NRF1: variants seen among roughly 807,000 people sequenced by gnomAD.
NRF1 encodes the protein alpha palindromic-binding protein.
Under a neutral mutation model 58.5 loss-of-function variants are expected in NRF1, and 5 were observed. The observed-to-expected ratio is 0.09, with a 90% confidence interval of 0.04 to 0.18. NRF1 has a LOEUF of 0.18. Ranked by LOEUF, NRF1 falls within the 10% of genes least tolerant of loss-of-function variation. The pLI is 1.00. For missense variants in NRF1, 288 were observed against 657.7 expected, an observed-to-expected ratio of 0.44 and a Z score of 6.15; for synonymous variants, 224 against 246.7, an observed-to-expected ratio of 0.91 and a Z score of 0.86.
At chr7:129,702,863 G>A (rs551026537) in intron 5 of NRF1, among the ~76,000 whole-genome samples, 166 of 152,238 alleles carry the variant, frequency 1.1e-3, no homozygotes, top group African/African-American at 3.8e-3. Flanking sequence ...CTTGGTAATT[G>A]AGCCTAAATG....
intron 1 of NRF1, among the ~76,000 whole-genome samples, chr7:129,619,447 CATATAT>C (rs1394967535): frequency 1.2e-5 from 1 of 80,420 alleles, no homozygotes; most frequent in Non-Finnish European, 2.2e-5. Context: ...CACACACACA[CATATAT>C]ATACACGTGT....
chr7:129,685,085 T>G (rs1388170608), intron 4 of NRF1, among the ~76,000 whole-genome samples: 2 of 152,206 alleles, frequency 1.3e-5, no homozygotes, highest in Middle Eastern at 6.3e-3. Flanking sequence ...TGATAATGTG[T>G]TTTTAGTCTC....
intron 5 of NRF1, among the ~76,000 whole-genome samples, chr7:129,707,948 TC>T (rs1255726969): frequency 6.6e-6 from 1 of 152,214 alleles, no homozygotes; most frequent in African/African-American, 2.4e-5. Flanking sequence ...TTTATAGAAA[TC>T]TTTAATATTA....
At chr7:129,703,856 G>C (rs527279573) in intron 5 of NRF1, among the ~76,000 whole-genome samples, 1 of 152,170 alleles carries the variant, frequency 6.6e-6, no homozygotes, top group African/African-American at 2.4e-5. Flanking sequence ...CCTTCTTTTT[G>C]TACTGTTTCT....
intron 1 of NRF1, among the ~76,000 whole-genome samples, chr7:129,650,535 T>C (rs1801510851): frequency 6.6e-6 from 1 of 152,154 alleles, no homozygotes; most frequent in Non-Finnish European, 1.5e-5. Context: ...GATTTAGAAA[T>C]GAAGAAATTG....
At chr7:129,693,918 T>G (rs917955512) in intron 5 of NRF1, among the ~76,000 whole-genome samples, 1 of 152,222 alleles carries the variant, frequency 6.6e-6, no homozygotes, top group African/African-American at 2.4e-5. Context: ...TCTGAGGTTT[T>G]GATTATATTA....
rs1803587433 is a variant in NRF1 at position 129,731,870 on chromosome 7, C to A, written c.1348+4505C>A. 2.0e-5 allele frequency among the ~76,000 whole-genome samples: 3 copies of A among 152,208 alleles called. No homozygotes were observed. In the South Asian group the frequency reaches 6.2e-4, roughly 31 times the overall value. ...CAAAATGATCCTCCCGCCTTAGTCT[C>A]CCAAAGTGTTAGGATTATAGGCATG... On this transcript the variant is annotated intron_variant, in intron 10 of 10. Transcript: ENST00000393232.
chr7:129,733,739 G>A (rs1198793995), intron 10 of NRF1, among the ~76,000 whole-genome samples: 1 of 152,006 alleles, frequency 6.6e-6, no homozygotes, highest in African/African-American at 2.4e-5. Context: ...AGATGTTAGT[G>A]GAGGCCCGAC....
At chr7:129,644,655 T>C (rs1347598236) in intron 1 of NRF1, among the ~76,000 whole-genome samples, 1 of 152,212 alleles carries the variant, frequency 6.6e-6, no homozygotes, top group Admixed American at 6.5e-5. Context: ...ATTTCCATCA[T>C]TGCAGAAAGT....
chr7:129,651,419 CAAAA>C (rs11319951), intron 1 of NRF1, among the ~76,000 whole-genome samples: 1 of 133,828 alleles, frequency 7.5e-6, no homozygotes, highest in Non-Finnish European at 1.6e-5. Context: ...GACTCTGTCT[CAAAA>C]AAAAAAAAAA....
intron 1 of NRF1, among the ~76,000 whole-genome samples, chr7:129,615,397 A>C (rs1408847679): frequency 7.3e-6 from 1 of 137,216 alleles, no homozygotes; most frequent in Non-Finnish European, 1.6e-5. Flanking sequence ...GAAATGGGAT[A>C]TCTGAATTTA....
intron 4 of NRF1, among the ~76,000 whole-genome samples, chr7:129,686,405 A>G (rs554067843): frequency 1.3e-5 from 2 of 152,360 alleles, no homozygotes; most frequent in South Asian, 4.1e-4. Flanking sequence ...GTGAGGAACT[A>G]TAGCAGTTTC....
chr7:129,711,460 C>G lies in NRF1; in HGVS notation c.964-15C>G. 1 of 1,597,784 alleles carries G rather than the reference C, an allele frequency of 6.3e-7. No individual in the cohort carries two copies. The highest frequency in any genetic ancestry group is 8.6e-7 in the Non-Finnish European group (1 of 1,169,080). ...CATCCACTGACACTTAACCACTTTC[C>G]ATATTTTTCTTTAGGTTGGTACGGG... On this transcript the variant is annotated splice_polypyrimidine_tract_variant and intron_variant, in intron 7 of 10. Transcript: ENST00000393232.
intron 10 of NRF1, among the ~76,000 whole-genome samples, chr7:129,744,714 T>G (rs1343006975): frequency 6.6e-6 from 1 of 152,210 alleles, no homozygotes; most frequent in Non-Finnish European, 1.5e-5. Flanking sequence ...TTCCACTTAC[T>G]GATCTGCTTT....
At chr7:129,643,486 AT>A (rs1801339423) in intron 1 of NRF1, among the ~76,000 whole-genome samples, 1 of 152,202 alleles carries the variant, frequency 6.6e-6, no homozygotes, top group African/African-American at 2.4e-5. Context: ...ATTTTTGGTA[AT>A]TTGGGAGCAG....
At chr7:129,633,052 G>A (rs1275224280) in intron 1 of NRF1, among the ~76,000 whole-genome samples, 1 of 152,084 alleles carries the variant, frequency 6.6e-6, no homozygotes, top group African/African-American at 2.4e-5. Flanking sequence ...GTTGAAAAGG[G>A]GGAAAGAAAA....
chr7:129,738,659 C>T (rs1295709091), intron 10 of NRF1, among the ~76,000 whole-genome samples: 2 of 152,128 alleles, frequency 1.3e-5, no homozygotes, highest in African/African-American at 4.8e-5. Context: ...TTTTTTACTA[C>T]TGCTACAACC....
chr7:129,705,730 A>G (rs1010499220), intron 5 of NRF1, among the ~76,000 whole-genome samples: 1 of 152,110 alleles, frequency 6.6e-6, no homozygotes, highest in Non-Finnish European at 1.5e-5. Flanking sequence ...GGCCTGGGCA[A>G]TGTAGGGAGA....
chr7:129,656,262 A>G (rs1219114799), intron 1 of NRF1, among the ~76,000 whole-genome samples: 2 of 152,212 alleles, frequency 1.3e-5, no homozygotes, highest in Non-Finnish European at 2.9e-5. Flanking sequence ...TGACACATGC[A>G]TATAATAAAG....
Sources: gnomAD v4.1 joint callset for allele counts (sites outside exome capture counted in the v4.1 genomes callset) on GRCh38, gnomAD v4.1.1 for gene constraint, MANE v1.5 for transcripts, NCBI Gene and HGNC (gene_info 2026-07-23, HGNC 2026-07-21) for gene names.